Variants in RAP1GAP2 observed in about 807,000 individuals in gnomAD.
The protein encoded by RAP1GAP2 is RAP1 GTPase activating protein 2.
Under a neutral mutation model 95.0 loss-of-function variants are expected in RAP1GAP2, and 27 were observed. That is an observed-to-expected ratio of 0.28 (90% CI 0.21 to 0.39). RAP1GAP2 has a LOEUF of 0.39. Ranked by LOEUF, RAP1GAP2 falls within the 10% of genes least tolerant of loss-of-function variation. The pLI is 1.00. For synonymous variants in RAP1GAP2, 373 were observed against 380.9 expected, an observed-to-expected ratio of 0.98 and a Z score of 0.24; for missense variants, 771 against 970.0, an observed-to-expected ratio of 0.79 and a Z score of 2.72.
Position 2,904,589 on chromosome 17 carries a change from G to A in RAP1GAP2, c.81-695G>A, listed in dbSNP as rs1340828182. On this transcript the variant is annotated intron_variant, in intron 2 of 24. Coordinates refer to ENST00000254695, the MANE Select transcript of RAP1GAP2 (RefSeq NM_015085.5). The surrounding 1 kb of genome is among the most constrained non-coding windows in gnomAD (Gnocchi z 4.7). ...GTGTGTACGTGCAGAGGGGCTCAAG[G>A]GAGAATGAATCCGCGTTTCTCCCCT... Among the ~76,000 whole-genome samples, 2 of 117,998 alleles carry A rather than the reference G, an allele frequency of 1.7e-5. No homozygotes were observed. Among genetic ancestry groups the A allele is most frequent in the East Asian group, 2.2e-4 (1 of 4,644 alleles). 77.4% of individuals were successfully genotyped at this position (117,998 alleles called of 152,430 possible).
chr17:2,764,406 G>T (rs117917673), intron 1 of RAP1GAP2, among the ~76,000 whole-genome samples: 3,496 of 142,730 alleles, frequency 0.024, 82 homozygotes, highest in South Asian at 0.041. Context: ...CCTGGGCGAC[G>T]CAGCAAGACT....
chr17:3,019,178 T>G (rs1034482662), intron 18 of RAP1GAP2, among the ~76,000 whole-genome samples: 8 of 152,210 alleles, frequency 5.3e-5, no homozygotes, highest in African/African-American at 1.9e-4. Flanking sequence ...CCTGCAGGCC[T>G]GTGAGTTTGG....
chr17:2,812,635 C>G (rs2069820786), intron 2 of RAP1GAP2, among the ~76,000 whole-genome samples: 1 of 152,008 alleles, frequency 6.6e-6, no homozygotes, highest in East Asian at 1.9e-4. Context: ...TCCTTCCCTC[C>G]CCCAGGACGG....
At position 2,785,732 on chromosome 17, in the gene RAP1GAP2, G is replaced by A. The variant is rs961430087; in HGVS notation, c.-14+8454G>A. Among the ~76,000 whole-genome samples the A allele has an allele frequency of 3.3e-5, 5 of 151,986 alleles. 1 individual carries two copies. The highest frequency in any genetic ancestry group is 4.1e-4 in the South Asian group (2 of 4,820). ...CGCGAGTCTGCCGATGCTCCCGGCCGAATAAAAACCTCTTCCTTCTTTAAT... is the reference window on the plus strand; with the variant it reads ...CGCGAGTCTGCCGATGCTCCCGGCCAAATAAAAACCTCTTCCTTCTTTAAT... On this transcript the variant is annotated intron_variant, in intron 1 of 24. Coordinates refer to the RAP1GAP2 transcript ENST00000540393.
At chr17:2,879,824 C>T (rs1379103245) in intron 2 of RAP1GAP2, among the ~76,000 whole-genome samples, 1 of 152,102 alleles carries the variant, frequency 6.6e-6, no homozygotes, top group South Asian at 2.1e-4. Context: ...ATGTCTCCTG[C>T]TCGTCTCTTG....
At chr17:3,015,781 G>A (rs1234283176) in intron 17 of RAP1GAP2, among the ~76,000 whole-genome samples, 1 of 151,822 alleles carries the variant, frequency 6.6e-6, no homozygotes, top group African/African-American at 2.4e-5. Flanking sequence ...CGTGCCACAC[G>A]CTGTACTCCA....
At chr17:2,809,583 G>C (rs932567775) in intron 2 of RAP1GAP2, among the ~76,000 whole-genome samples, 1 of 152,154 alleles carries the variant, frequency 6.6e-6, no homozygotes, top group South Asian at 2.1e-4. Context: ...CTTCCTCGCT[G>C]GTCTCCCCAG....
chr17:2,991,355 T>C lies in RAP1GAP2; in HGVS notation c.872T>C (p.Leu291Ser). Reference protein sequence around the residue: ...NEESPAFKEFLDLLGDTITLQ... With the variant: ...NEESPAFKEFSDLLGDTITLQ... ...GAGAGCCCAGCTTTTAAGGAGTTCT[T>C]GGACCTGCTGGGGGACACGATCACA... is the stretch of plus-strand genomic sequence containing the variant. Residue 291 changes from leucine (L) to serine (S), a missense_variant, in exon 12 of 25, where the codon TTG (leucine) becomes TCG (serine). Transcript: ENST00000254695. The C allele has an allele frequency of 6.2e-7, 1 of 1,606,076 alleles. No individual in the cohort carries two copies.
chr17:2,877,090 T>C (rs1287271341), intron 2 of RAP1GAP2, among the ~76,000 whole-genome samples: 1 of 151,950 alleles, frequency 6.6e-6, no homozygotes, highest in African/African-American at 2.4e-5. Flanking sequence ...GGTTTCTCCA[T>C]GTTGCTCAGG....
chr17:3,007,932 G>C, intron 16 of RAP1GAP2, 79 bp from the exon 17 acceptor site: 1 of 1,511,006 alleles, frequency 6.6e-7, no homozygotes, highest in Non-Finnish European at 9.0e-7. Flanking sequence ...CTCCAGGCCA[G>C]GTGTCTGGAG....
At chr17:2,907,423 C>G (rs1188783668) in intron 3 of RAP1GAP2, among the ~76,000 whole-genome samples, 1 of 152,182 alleles carries the variant, frequency 6.6e-6, no homozygotes, top group Non-Finnish European at 1.5e-5. Flanking sequence ...ATTGTGGTCC[C>G]TGCTCTCCTA....
At chr17:2,943,659 T>G (rs1222622992) in intron 3 of RAP1GAP2, among the ~76,000 whole-genome samples, 3 of 135,912 alleles carry the variant, frequency 2.2e-5, no homozygotes. Context: ...AGCAAGACTC[T>G]GTCTCCAAAA....
chr17:2,957,276 C>T (rs538383405), intron 3 of RAP1GAP2, among the ~76,000 whole-genome samples: 15 of 152,232 alleles, frequency 9.9e-5, no homozygotes, highest in African/African-American at 2.2e-4. Flanking sequence ...GGTGGCATAG[C>T]GGGCCCTCCC....
At chr17:2,961,602 C>T (rs1236398245) in intron 4 of RAP1GAP2, among the ~76,000 whole-genome samples, 1 of 152,256 alleles carries the variant, frequency 6.6e-6, no homozygotes, top group African/African-American at 2.4e-5. Flanking sequence ...AGATAAACTC[C>T]CTTAGTCCAG....
intron 2 of RAP1GAP2, among the ~76,000 whole-genome samples, chr17:2,838,095 T>C (rs1249625854): frequency 2.9e-5 from 4 of 136,870 alleles, no homozygotes; most frequent in Non-Finnish European, 4.6e-5. Flanking sequence ...CTCGGCTCAC[T>C]GCAACCTCCG....
intron 8 of RAP1GAP2, among the ~76,000 whole-genome samples, chr17:2,976,873 G>A (rs982512706): frequency 3.3e-5 from 5 of 151,920 alleles, no homozygotes; most frequent in Admixed American, 6.5e-5. Context: ...GGTGGCTCAC[G>A]CCTGTAATCC....
chr17:2,887,688 T>G (rs1303301812), intron 2 of RAP1GAP2, among the ~76,000 whole-genome samples: 5 of 150,666 alleles, frequency 3.3e-5, no homozygotes, highest in South Asian at 4.2e-4. Context: ...TTGTTTTTTT[T>G]TTTTGAAATG....
At chr17:2,824,597 G>C (rs374079746) in intron 2 of RAP1GAP2, among the ~76,000 whole-genome samples, 1 of 151,208 alleles carries the variant, frequency 6.6e-6, no homozygotes, top group Non-Finnish European at 1.5e-5. Context: ...AAAATTAGCC[G>C]GGCATGGTGG....
chr17:2,879,011 G>A (rs991828685), intron 2 of RAP1GAP2, among the ~76,000 whole-genome samples: 2 of 152,192 alleles, frequency 1.3e-5, no homozygotes, highest in African/African-American at 4.8e-5. Flanking sequence ...GTGAGGTTCT[G>A]TTATCTCTGG....
Sources: allele counts gnomAD v4.1 joint callset (sites outside exome capture counted in the v4.1 genomes callset), GRCh38; gene constraint gnomAD v4.1.1; non-coding constraint Gnocchi (gnomAD v3.1); transcripts MANE v1.5; gene names NCBI Gene and HGNC (gene_info 2026-07-23, HGNC 2026-07-21).